KAT2B: variants seen among roughly 807,000 people sequenced by gnomAD.
KAT2B encodes the protein histone acetyltransferase KAT2B.
KAT2B carries 36 observed loss-of-function variants against 105.9 expected under a neutral mutation model. That is an observed-to-expected ratio of 0.34 (90% CI 0.26 to 0.45). The LOEUF (loss-of-function observed/expected upper bound fraction) is 0.45. KAT2B is among the 20% of genes least tolerant of loss of function. The pLI, the probability that KAT2B is intolerant of heterozygous loss-of-function variation, is 1.00. For missense variants in KAT2B, 820 were observed against 1,021.6 expected (o/e 0.80, Z 2.69); for synonymous variants, 397 against 377.9 (o/e 1.05, Z -0.59).
At chr3:20,078,145 A>G (rs1449897186) in intron 2 of KAT2B, among the ~76,000 whole-genome samples, 2 of 152,216 alleles carry the variant, frequency 1.3e-5, no homozygotes, top group East Asian at 3.9e-4. Context: ...CACCACTTGC[A>G]CTCCAGCCTG....
chr3:20,097,531 T>A (rs905986725), intron 3 of KAT2B, among the ~76,000 whole-genome samples: 1 of 151,952 alleles, frequency 6.6e-6, no homozygotes, highest in African/African-American at 2.4e-5. Flanking sequence ...ATGATTAAAA[T>A]TTTTTTTTAA....
At chr3:20,040,853 G>T in intron 1 of KAT2B, 73 bp downstream of exon 1, 1 of 1,428,478 alleles carries the variant, frequency 7.0e-7, no homozygotes, top group Non-Finnish European at 9.2e-7. Context: ...TCCCCCTCCC[G>T]CTTCCACCTC....
chr3:20,080,605 A>G (rs912430935), intron 2 of KAT2B, among the ~76,000 whole-genome samples: 1 of 152,240 alleles, frequency 6.6e-6, no homozygotes, highest in African/African-American at 2.4e-5. Flanking sequence ...ATTGAATTCA[A>G]TAATGGTAAA....
chr3:20,052,762 G>A (rs1238488268), intron 1 of KAT2B, among the ~76,000 whole-genome samples: 1 of 152,166 alleles, frequency 6.6e-6, no homozygotes, highest in East Asian at 1.9e-4. Flanking sequence ...GAGGTCGGGA[G>A]TTTGAGACCA....
intron 7 of KAT2B, among the ~76,000 whole-genome samples, chr3:20,117,753 T>A (rs1379750723): frequency 6.6e-6 from 1 of 152,190 alleles, no homozygotes; most frequent in African/African-American, 2.4e-5. Flanking sequence ...CCATGCTGTG[T>A]CCTGTATGTG....
Position 20,052,532 on chromosome 3 carries a change from G to C in KAT2B, c.303+11752G>C, listed in dbSNP as rs12636488. 8.5e-3 allele frequency among the ~76,000 whole-genome samples: 1,294 copies of C among 152,176 alleles called. 89 individuals are homozygous for C. The East Asian group carries it at 0.17, about 20-fold the overall frequency. ...TGATATTCACAGGCTTTGTGAGATT[G>C]GTGGAAAGGAAACTGTATTGTAAAG... On this transcript the variant is annotated intron_variant, in intron 1 of 17. Coordinates refer to ENST00000263754, the MANE Select transcript of KAT2B (RefSeq NM_003884.5).
chr3:20,148,088 A>G lies in KAT2B; in HGVS notation c.2156+89A>G, dbSNP rs1009251982. 23 of 1,402,064 alleles carry G rather than the reference A, an allele frequency of 1.6e-5. No individual in the cohort carries two copies. In the African/African-American group the frequency reaches 3.0e-4, roughly 18 times the overall value. The allele number at this position is 1,402,064 out of a possible 1,614,324, so 86.9% of individuals were successfully genotyped here. On this transcript the variant is annotated intron_variant, in intron 15 of 17. Transcript: ENST00000263754. ...TAAAGAAAAACGGCAAACTAATTGT[A>G]ATCACTAACACAACAGTTGGTGGGT...
chr3:20,140,320 A>G lies in KAT2B; in HGVS notation c.1960A>G (p.Ile654Val), dbSNP rs1165105285. Residue 654 changes from isoleucine (I) to valine (V), a missense_variant, in exon 13 of 18, where the codon ATC becomes GTC. Ile to Val is a conservative substitution (Grantham distance 29). Transcript: ENST00000263754. ...TLMGCELNPRIPYTEFSVIIK... is the reference protein window; with the variant it reads ...TLMGCELNPRVPYTEFSVIIK... ...AATGGGATGTGAGCTAAATCCACGG[A>G]TCCCGTACACAGAATTTTCTGTCAT... is the stretch of plus-strand genomic sequence containing the variant. 1 of 1,613,954 alleles carries G rather than the reference A, an allele frequency of 6.2e-7. No individual in the cohort carries two copies. The highest frequency in any genetic ancestry group is 1.7e-5 in the Admixed American group (1 of 60,024).
rs188558836 is a variant in KAT2B, at chr3:20,111,827, G to A, written c.1043+40G>A. The A allele has an allele frequency of 4.0e-6, 6 of 1,499,098 alleles. No individual in the cohort carries two copies. In the East Asian group the frequency reaches 1.1e-4, roughly 29 times the overall value. 92.9% of individuals were successfully genotyped at this position (1,499,098 alleles called of 1,614,324 possible). ...TTGCTGGTCTTTGTTTGATCCCAGA[G>A]CTTGAGGTTGCTAAATACAATGCCA... On this transcript the variant is annotated intron_variant, in intron 6 of 17. Transcript: ENST00000263754.
At chr3:20,105,816 A>AAAG (rs1173793039) in intron 5 of KAT2B, among the ~76,000 whole-genome samples, 39 of 151,210 alleles carry the variant, frequency 2.6e-4, no homozygotes, top group African/African-American at 7.1e-4. Flanking sequence ...AAAAAAAAAA[A>AAAG]AAGAAGAAGA....
intron 8 of KAT2B, among the ~76,000 whole-genome samples, chr3:20,120,040 T>C (rs913604203): frequency 1.3e-5 from 2 of 152,184 alleles, no homozygotes; most frequent in Non-Finnish European, 2.9e-5. Context: ...TGGGCTTGGC[T>C]TGGCTAGAGC....
chr3:20,086,626 C>G lies in KAT2B; in HGVS notation c.431-8637C>G, dbSNP rs565907766. ...GACACTGCCCCACCCCACAAAAATGCTGTATTGGGGTGCACACCCATGCAT... is the reference window on the plus strand; with the variant it reads ...GACACTGCCCCACCCCACAAAAATGGTGTATTGGGGTGCACACCCATGCAT... On this transcript the variant is annotated intron_variant, in intron 2 of 17. Transcript: ENST00000263754. Among the ~76,000 whole-genome samples, 5 of 152,206 alleles carry G rather than the reference C, an allele frequency of 3.3e-5. No homozygotes were observed. In the South Asian group the frequency reaches 1.0e-3, roughly 32 times the overall value.
intron 5 of KAT2B, among the ~76,000 whole-genome samples, chr3:20,105,800 G>GAAAAA (rs35102951): frequency 1.1e-5 from 1 of 94,418 alleles, no homozygotes; most frequent in African/African-American, 4.2e-5. Context: ...GACCCTGTCT[G>GAAAAA]AAAAAAAAAA....
In KAT2B at chr3:20,040,787, G is replaced by C. The variant is rs1697700025; in HGVS notation, c.303+7G>C. On this transcript the variant is annotated splice_region_variant and intron_variant, in intron 1 of 17. Coordinates refer to ENST00000263754, the MANE Select transcript of KAT2B (RefSeq NM_003884.5). ...AGTGTACTCCGCCTGCAAGGTACGC[G>C]CTCGCCGCTCTCGGACCGCGGATGG... 6.3e-7 allele frequency: 1 copy of C among 1,584,342 alleles called. No homozygotes were observed. Among genetic ancestry groups the C allele is most frequent in the African/African-American group, 1.4e-5 (1 of 72,648 alleles).
chr3:20,133,868 A>G (rs747999318), intron 11 of KAT2B, among the ~76,000 whole-genome samples: 18 of 152,142 alleles, frequency 1.2e-4, no homozygotes, highest in Non-Finnish European at 2.4e-4. Context: ...TCTGATCACT[A>G]TTGAGGTCGA....
At chr3:20,130,877 A>ATG (rs913864036) in intron 11 of KAT2B, among the ~76,000 whole-genome samples, 1 of 148,146 alleles carries the variant, frequency 6.8e-6, no homozygotes, top group Admixed American at 6.8e-5. Flanking sequence ...GTGTGCGTGC[A>ATG]TGTGTGTGTT....
At chr3:20,132,439 AC>A (rs1699527639) in intron 11 of KAT2B, among the ~76,000 whole-genome samples, 1 of 152,242 alleles carries the variant, frequency 6.6e-6, no homozygotes, top group South Asian at 2.1e-4. Flanking sequence ...ATGTTTATTT[AC>A]CATAATAGGT....
intron 2 of KAT2B, among the ~76,000 whole-genome samples, chr3:20,092,217 ATATT>A (rs879484829): frequency 3.8e-5 from 3 of 79,860 alleles, no homozygotes; most frequent in Admixed American, 2.4e-4. Context: ...CTACTTTCAC[ATATT>A]TATTTATTTA....
At chr3:20,075,099 A>C (rs980210094) in intron 2 of KAT2B, among the ~76,000 whole-genome samples, 27 of 152,168 alleles carry the variant, frequency 1.8e-4, no homozygotes, top group African/African-American at 6.5e-4. Context: ...CCCCGTCTCT[A>C]CTAAAAATAC....
Sources: allele counts gnomAD v4.1 joint callset (sites outside exome capture counted in the v4.1 genomes callset), GRCh38; gene constraint gnomAD v4.1.1; transcripts MANE v1.5; gene names NCBI Gene and HGNC (gene_info 2026-07-23, HGNC 2026-07-21).